The following NTNG1 variants were observed in gnomAD, a reference collection of about 807,000 sequenced individuals.
NTNG1 encodes netrin G1.
Under a neutral mutation model 54.0 loss-of-function variants are expected in NTNG1, and 16 were observed. The ratio of observed to expected loss-of-function variants is 0.30; its 90% CI spans 0.20 to 0.45. NTNG1 has a LOEUF of 0.45. NTNG1 is among the 20% of genes least tolerant of loss of function. NTNG1 has a pLI of 1.00. For synonymous variants in NTNG1, 255 were observed against 263.1 expected (o/e 0.97, Z 0.30); for missense variants, 530 against 678.7 (o/e 0.78, Z 2.43).
Position 107,334,982 on chromosome 1 carries a change from A to T in NTNG1, c.887+10060A>T, listed in dbSNP as rs1004701606. 2.6e-5 allele frequency among the ~76,000 whole-genome samples: 4 copies of T among 152,016 alleles called. No homozygotes were observed. In the East Asian group the frequency reaches 5.8e-4, roughly 22 times the overall value. ...GTTTTTGGCTATGTCACTTCATCCA[A>T]TCAACCAGATCGCAAAGCTTCAGGC... On this transcript the variant is annotated intron_variant, in intron 3 of 7. Transcript: ENST00000370068.
intron 2 of NTNG1, among the ~76,000 whole-genome samples, chr1:107,278,605 T>G (rs1053560541): frequency 6.6e-5 from 10 of 152,208 alleles, no homozygotes; most frequent in Non-Finnish European, 1.3e-4. Flanking sequence ...GTTTTTGTTC[T>G]TATGGTGAAT....
chr1:107,439,962 C>T (rs1675865309), intron 7 of NTNG1, among the ~76,000 whole-genome samples: 1 of 151,856 alleles, frequency 6.6e-6, no homozygotes, highest in Non-Finnish European at 1.5e-5. Context: ...TCCCCTCTTC[C>T]ACTGCTCACC....
At chr1:107,256,948 C>T (rs1662975091) in intron 2 of NTNG1, among the ~76,000 whole-genome samples, 1 of 152,130 alleles carries the variant, frequency 6.6e-6, no homozygotes, top group African/African-American at 2.4e-5. Context: ...AGTTGGCTTC[C>T]ATTTCTGACA....
chr1:107,349,282 C>CTGT (rs375599929), intron 3 of NTNG1, among the ~76,000 whole-genome samples: 1 of 152,074 alleles, frequency 6.6e-6, no homozygotes. Flanking sequence ...TTATATTACC[C>CTGT]TGTTGTTGTT....
chr1:107,466,282 A>T (rs1677608576), intron 7 of NTNG1, among the ~76,000 whole-genome samples: 1 of 152,232 alleles, frequency 6.6e-6, no homozygotes, highest in Admixed American at 6.5e-5. Flanking sequence ...AAATAGACAC[A>T]GTTGAGAAGC....
Position 107,383,620 on chromosome 1 carries a change from A to G in NTNG1, c.888-11534A>G, listed in dbSNP as rs139742598. 3.7e-3 allele frequency among the ~76,000 whole-genome samples: 571 copies of G among 152,348 alleles called. 6 individuals carry two copies. Among genetic ancestry groups the G allele is most frequent in the African/African-American group, 0.013 (545 of 41,570 alleles). On this transcript the variant is annotated intron_variant, in intron 3 of 7. Transcript: ENST00000370068. ...TTATTTATCTTCATAGCAGTCCTAC[A>G]TTATAGCTAATAATAATAGTCTTGA...
intron 2 of NTNG1, among the ~76,000 whole-genome samples, chr1:107,241,620 G>A (rs780955085): frequency 8.5e-5 from 13 of 152,146 alleles, no homozygotes; most frequent in African/African-American, 1.4e-4. Context: ...AAGCATCAGT[G>A]ACCAAAGCAA....
chr1:107,243,635 G>T (rs1489845449), intron 2 of NTNG1, among the ~76,000 whole-genome samples: 1 of 152,100 alleles, frequency 6.6e-6, no homozygotes, highest in Admixed American at 6.5e-5. Flanking sequence ...AGGCACGGTC[G>T]TAGTGTGCAC....
At chr1:107,429,578 T>A (rs969491002) in intron 5 of NTNG1, among the ~76,000 whole-genome samples, 1 of 148,728 alleles carries the variant, frequency 6.7e-6, no homozygotes, top group Admixed American at 6.6e-5. Context: ...ATAATGACTG[T>A]GCTTGGCTTT....
chr1:107,453,500 C>T (rs1378558569), intron 7 of NTNG1, among the ~76,000 whole-genome samples: 2 of 152,176 alleles, frequency 1.3e-5, no homozygotes, highest in Non-Finnish European at 2.9e-5. Flanking sequence ...GCATTACTTA[C>T]TGAAGAGTGT....
intron 3 of NTNG1, among the ~76,000 whole-genome samples, chr1:107,388,115 C>A (rs1225226233): frequency 2.0e-5 from 3 of 152,152 alleles, no homozygotes; most frequent in Non-Finnish European, 4.4e-5. Flanking sequence ...CTGTTTGAAT[C>A]CCTATGCGAC....
At chr1:107,322,907 G>A (rs927806404) in intron 2 of NTNG1, among the ~76,000 whole-genome samples, 2 of 151,990 alleles carry the variant, frequency 1.3e-5, no homozygotes, top group African/African-American at 4.8e-5. Context: ...TACATTAATG[G>A]GAAAGAGAGA....
chr1:107,422,989 T>C (rs1674667434), intron 5 of NTNG1, among the ~76,000 whole-genome samples: 1 of 152,096 alleles, frequency 6.6e-6, no homozygotes, highest in Admixed American at 6.6e-5. Flanking sequence ...GTCCAACCTC[T>C]TGATTTCCTG....
At chr1:107,217,295 C>T (rs1660035044) in intron 2 of NTNG1, among the ~76,000 whole-genome samples, 1 of 152,064 alleles carries the variant, frequency 6.6e-6, no homozygotes, top group Non-Finnish European at 1.5e-5. Flanking sequence ...GTAATATCTT[C>T]CATTTCACTT....
At chr1:107,267,649 G>C (rs946752242) in intron 2 of NTNG1, among the ~76,000 whole-genome samples, 1 of 152,016 alleles carries the variant, frequency 6.6e-6, no homozygotes, top group African/African-American at 2.4e-5. Context: ...AGTCCCCAGG[G>C]TGTCCACCAT....
At chr1:107,263,027 C>T (rs1466023156) in intron 2 of NTNG1, among the ~76,000 whole-genome samples, 3 of 152,126 alleles carry the variant, frequency 2.0e-5, no homozygotes, top group African/African-American at 2.4e-5. Flanking sequence ...TGGTCACTTA[C>T]TCATGTGTGA....
chr1:107,345,076 A>G (rs1375260937), intron 3 of NTNG1, among the ~76,000 whole-genome samples: 1 of 152,190 alleles, frequency 6.6e-6, no homozygotes. Context: ...TAAGAAGGAT[A>G]AGACCCAATA....
intron 2 of NTNG1, among the ~76,000 whole-genome samples, chr1:107,250,579 TA>T (rs1557843950): frequency 3.5e-5 from 5 of 141,990 alleles, no homozygotes; most frequent in Admixed American, 7.0e-5. Flanking sequence ...ATAAAAAAAA[TA>T]AAAAAAATAA....
chr1:107,263,272 GCTTCCTTCCTTCCTTCCTTCCTTC>G (rs58443542), intron 2 of NTNG1, among the ~76,000 whole-genome samples: 12,160 of 146,254 alleles, frequency 0.083, 591 homozygotes, highest in Middle Eastern at 0.12. Context: ...AGGTTAGCTT[GCTTCCTTCCTTCCTTCCTTCCTTC>G]CTTCCTTCCT....
Sources: allele counts gnomAD v4.1 joint callset (sites outside exome capture counted in the v4.1 genomes callset), GRCh38; gene constraint gnomAD v4.1.1; transcripts MANE v1.5; gene names NCBI Gene and HGNC (gene_info 2026-07-23, HGNC 2026-07-21).